TIAM2: variants seen among roughly 807,000 people sequenced by gnomAD.
TIAM2 encodes rho guanine nucleotide exchange factor TIAM2.
A neutral mutation model predicts 152.9 loss-of-function variants in TIAM2; 80 were observed. The ratio of observed to expected loss-of-function variants is 0.52; its 90% CI spans 0.44 to 0.63. TIAM2 has a LOEUF of 0.63. TIAM2 is among the 30% of genes least tolerant of loss of function. TIAM2 has a pLI of 0.00. For missense variants in TIAM2, 1,965 were observed against 2,120.1 expected (o/e 0.93, Z 1.44); for synonymous variants, 804 against 838.0 (o/e 0.96, Z 0.70).
At chr6:155,241,679 C>G (rs746524032) in intron 16 of TIAM2, among the ~76,000 whole-genome samples, 3 of 152,184 alleles carry the variant, frequency 2.0e-5, no homozygotes, top group Non-Finnish European at 4.4e-5. Context: ...TCCCAAAGCC[C>G]CTTCTTTTGG....
intron 2 of TIAM2, among the ~76,000 whole-genome samples, chr6:155,110,687 A>T (rs1159078208): frequency 6.6e-6 from 1 of 152,246 alleles, no homozygotes; most frequent in Non-Finnish European, 1.5e-5. Context: ...CTTACAAAAA[A>T]GAAGCCCTGG....
chr6:155,185,552 A>C (rs1047352497), intron 14 of TIAM2, among the ~76,000 whole-genome samples: 1 of 151,338 alleles, frequency 6.6e-6, no homozygotes, highest in Non-Finnish European at 1.5e-5. Context: ...GCAAGGAAAC[A>C]GAATAAAGAG....
At chr6:155,043,974 GTTTTGAAGGATT>G (rs1190375030) in intron 1 of TIAM2, among the ~76,000 whole-genome samples, 2 of 152,208 alleles carry the variant, frequency 1.3e-5, no homozygotes, top group Non-Finnish European at 2.9e-5. Context: ...CCATGGCATA[GTTTTGAAGGATT>G]GCAGAAAATC....
intron 9 of TIAM2, among the ~76,000 whole-genome samples, chr6:155,170,623 T>C (rs1028625571): frequency 4.8e-4 from 73 of 152,194 alleles, no homozygotes; most frequent in African/African-American, 1.7e-3. Flanking sequence ...GTTATGAAAC[T>C]ATAGCATCAG....
intron 1 of TIAM2, among the ~76,000 whole-genome samples, chr6:155,071,615 G>T (rs1393809832): frequency 6.6e-6 from 1 of 152,136 alleles, no homozygotes; most frequent in Non-Finnish European, 1.5e-5. Context: ...TGAAAGTAAA[G>T]AATTATTGGC....
chr6:155,217,820 G>C (rs924156170), intron 15 of TIAM2, among the ~76,000 whole-genome samples: 16 of 152,210 alleles, frequency 1.1e-4, no homozygotes, highest in Non-Finnish European at 2.2e-4. Flanking sequence ...ATTTTGTCCT[G>C]TTTATTTTTT....
chr6:155,034,190 C>T (rs1776879056), intron 1 of TIAM2, among the ~76,000 whole-genome samples: 1 of 152,100 alleles, frequency 6.6e-6, no homozygotes, highest in South Asian at 2.1e-4. Flanking sequence ...GAATACATGC[C>T]AGTTTCTGCC....
intron 5 of TIAM2, among the ~76,000 whole-genome samples, chr6:155,142,843 C>T (rs923657925): frequency 6.6e-6 from 1 of 152,204 alleles, no homozygotes; most frequent in Non-Finnish European, 1.5e-5. Flanking sequence ...GTACTGCTTC[C>T]GAAGTCCAAG....
At chr6:155,178,914 A>T in intron 10 of TIAM2, 125 bp from the exon 11 acceptor site, 3 of 795,156 alleles carry the variant, frequency 3.8e-6, no homozygotes, top group Non-Finnish European at 6.0e-6. Context: ...ATATAGGTTT[A>T]AATTCAGCAA....
At chr6:155,045,157 T>C (rs934141488) in intron 1 of TIAM2, among the ~76,000 whole-genome samples, 42 of 151,602 alleles carry the variant, frequency 2.8e-4, no homozygotes, top group African/African-American at 1.0e-3. Context: ...ACCTCTGCCT[T>C]CCGTGTTCAC....
At chr6:155,105,513 C>T (rs1394215086) in intron 2 of TIAM2, among the ~76,000 whole-genome samples, 1 of 151,918 alleles carries the variant, frequency 6.6e-6, no homozygotes, top group African/African-American at 2.4e-5. Context: ...CCAGGGTGGT[C>T]TTGAACTCCT....
At chr6:155,010,451 A>G (rs972429604) in intron 1 of TIAM2, among the ~76,000 whole-genome samples, 2 of 151,964 alleles carry the variant, frequency 1.3e-5, no homozygotes, top group Non-Finnish European at 2.9e-5. Flanking sequence ...ACCCATTTTA[A>G]TTTTCATTTA....
Position 155,127,591 on chromosome 6 carries a change from T to G in TIAM2, c.-16T>G. On this transcript the variant is annotated 5_prime_UTR_variant, in exon 3 of 27. Coordinates refer to ENST00000682666, the MANE Select transcript of TIAM2 (RefSeq NM_012454.4). ...CACTAACCTCCCTCACAGCAGAAAC[T>G]AGACGTCAGGTAAACCCAACCCTTG... 1 of 456,052 alleles carries G rather than the reference T, an allele frequency of 2.2e-6. No homozygotes were observed. The highest frequency in any genetic ancestry group is 4.4e-6 in the Non-Finnish European group (1 of 226,800). The allele number at this position is 456,052 out of a possible 1,614,324, so 28.3% of individuals were successfully genotyped here.
chr6:155,096,827 T>G (rs1335273436), intron 2 of TIAM2, among the ~76,000 whole-genome samples: 3 of 152,240 alleles, frequency 2.0e-5, no homozygotes, highest in Admixed American at 1.3e-4. Flanking sequence ...TGCAAATACC[T>G]CTTTGATATA....
intron 1 of TIAM2, chr6:155,016,162 G>A (rs1778575874): frequency 6.6e-6 from 1 of 152,060 alleles, no homozygotes; most frequent in Non-Finnish European, 1.5e-5. Context: ...TTCCTCCCCT[G>A]GGACTCTCTC....
At chr6:155,202,883 CAAAAAAAAA>C (rs36086677) in intron 14 of TIAM2, among the ~76,000 whole-genome samples, 3 of 109,180 alleles carry the variant, frequency 2.7e-5, no homozygotes, top group African/African-American at 7.6e-5. Flanking sequence ...ACTAAAAATA[CAAAAAAAAA>C]AAAAAAAAAA....
chr6:155,158,453 T>A (rs1249521381), intron 7 of TIAM2, among the ~76,000 whole-genome samples: 1 of 152,240 alleles, frequency 6.6e-6, no homozygotes, highest in Non-Finnish European at 1.5e-5. Context: ...TGAAAGATAA[T>A]GAAAACCTTC....
Position 155,176,889 on chromosome 6 carries a change from C to G in TIAM2, c.2435C>G (p.Thr812Ser). ...VPRDNAWEIQ[T>S]YVHFQDNHGV... ...CGAGACAATGCATGGGAAATCCAGA[C>G]TTATGTCCACTTTCAGGACAATCAC... Residue 812 changes from threonine (T) to serine (S), a missense_variant, in exon 10 of 27, where the codon ACT becomes AGT. This residue lies in a region of TIAM2 where 1,025 missense variants were observed against 1,119.4 expected (regional missense o/e 0.92). Transcript: ENST00000682666. The G allele has an allele frequency of 6.2e-7, 1 of 1,614,086 alleles. No individual in the cohort carries two copies. The highest frequency in any genetic ancestry group is 2.2e-5 in the East Asian group (1 of 44,874).
intron 7 of TIAM2, among the ~76,000 whole-genome samples, chr6:155,161,619 G>A (rs1780273093): frequency 6.7e-6 from 1 of 150,028 alleles, no homozygotes; most frequent in Non-Finnish European, 1.5e-5. Flanking sequence ...CCAGGCTGGA[G>A]TGCAGTGGTG....
Sources: gnomAD v4.1 joint callset for allele counts (sites outside exome capture counted in the v4.1 genomes callset) on GRCh38, gnomAD v4.1.1 for gene constraint, gnomAD v4.1.1 regional missense constraint, MANE v1.5 for transcripts, NCBI Gene and HGNC (gene_info 2026-07-23, HGNC 2026-07-21) for gene names.